CYYR1: variants seen among roughly 807,000 people sequenced by gnomAD.
The protein encoded by CYYR1 is cysteine and tyrosine rich 1, also known as cysteine and tyrosine-rich protein 1.
In CYYR1, 14 loss-of-function variants were observed where a neutral mutation model predicts 15.2. The ratio of observed to expected loss-of-function variants is 0.92; its 90% CI spans 0.61 to 1.44. The LOEUF is 1.44. Among genes scored for constraint, CYYR1 ranks in the 40% most tolerant of loss-of-function variants. CYYR1 has a pLI of 0.00. For missense variants in CYYR1, 228 were observed against 209.5 expected (o/e 1.09, Z -0.54); for synonymous variants, 80 against 77.4 (o/e 1.03, Z -0.18).
At chr21:26,495,348 C>T (rs1375950270) in intron 2 of CYYR1, among the ~76,000 whole-genome samples, 1 of 152,126 alleles carries the variant, frequency 6.6e-6, no homozygotes, top group African/African-American at 2.4e-5. Context: ...TAGGGCTTGC[C>T]AAATATCTGC....
chr21:26,572,759 G>C (rs1322134121), intron 1 of CYYR1, 109 bp downstream of exon 1: 9 of 1,335,748 alleles, frequency 6.7e-6, no homozygotes, highest in Non-Finnish European at 9.2e-6. Context: ...GTCTGCAAAG[G>C]TCCTTCTGCA....
chr21:26,521,279 G>A (rs1370884226), intron 2 of CYYR1, among the ~76,000 whole-genome samples: 1 of 152,210 alleles, frequency 6.6e-6, no homozygotes, highest in Non-Finnish European at 1.5e-5. Flanking sequence ...ACAGTTTTAA[G>A]AGATTAAATC....
intron 2 of CYYR1, among the ~76,000 whole-genome samples, chr21:26,529,940 T>C (rs1417632498): frequency 2.0e-5 from 3 of 152,208 alleles, no homozygotes; most frequent in African/African-American, 7.2e-5. Flanking sequence ...ACCCATCCCA[T>C]CTTTTCTAGT....
At chr21:26,500,739 G>C (rs549847113) in intron 2 of CYYR1, among the ~76,000 whole-genome samples, 5 of 152,298 alleles carry the variant, frequency 3.3e-5, no homozygotes, top group African/African-American at 1.2e-4. Context: ...CTCTCCCCAA[G>C]GGCAGGTGAC....
At chr21:26,551,023 G>T (rs1035538915) in intron 2 of CYYR1, 1 of 152,602 alleles carries the variant, frequency 6.6e-6, no homozygotes, top group African/African-American at 2.4e-5. Context: ...TACAGCTGCT[G>T]ACTTGAAGTT....
At chr21:26,561,603 C>G (rs1414554780) in intron 2 of CYYR1, among the ~76,000 whole-genome samples, 1 of 151,996 alleles carries the variant, frequency 6.6e-6, no homozygotes, top group East Asian at 1.9e-4. Flanking sequence ...ACCAGGATCT[C>G]CATTATTAGT....
At chr21:26,559,229 C>T (rs1372710835) in intron 2 of CYYR1, among the ~76,000 whole-genome samples, 1 of 152,140 alleles carries the variant, frequency 6.6e-6, no homozygotes, top group Non-Finnish European at 1.5e-5. Flanking sequence ...GATCATCTTT[C>T]ACTTGTTTAT....
At chr21:26,468,892 G>A (rs2065000362) in intron 3 of CYYR1, among the ~76,000 whole-genome samples, 2 of 152,138 alleles carry the variant, frequency 1.3e-5, no homozygotes, top group Admixed American at 1.3e-4. Flanking sequence ...AAGAGAAGGT[G>A]AGGGACAATT....
chr21:26,541,844 A>G (rs1253818367), intron 2 of CYYR1, among the ~76,000 whole-genome samples: 1 of 152,222 alleles, frequency 6.6e-6, no homozygotes, highest in Non-Finnish European at 1.5e-5. Context: ...TTAAGGGTGC[A>G]TATTGCAATC....
chr21:26,496,959 A>G (rs2065413486), intron 2 of CYYR1, among the ~76,000 whole-genome samples: 1 of 152,160 alleles, frequency 6.6e-6, no homozygotes, highest in African/African-American at 2.4e-5. Context: ...ATTAACATCT[A>G]GTAGGATGAC....
chr21:26,481,342 G>C (rs544524768), intron 2 of CYYR1, among the ~76,000 whole-genome samples: 46 of 152,144 alleles, frequency 3.0e-4, no homozygotes, highest in Admixed American at 2.0e-3. Flanking sequence ...ACATCCTAAT[G>C]TCCATAAAAA....
chr21:26,532,481 G>A (rs188699912), intron 2 of CYYR1, among the ~76,000 whole-genome samples: 26 of 152,218 alleles, frequency 1.7e-4, no homozygotes, highest in East Asian at 3.9e-4. Context: ...TAGAGGACCC[G>A]TTTCCTGGTC....
At chr21:26,554,784 T>C (rs1286387224) in intron 2 of CYYR1, among the ~76,000 whole-genome samples, 2 of 152,114 alleles carry the variant, frequency 1.3e-5, no homozygotes, top group African/African-American at 2.4e-5. Context: ...ATTATTATGA[T>C]TCTTTTTGAT....
chr21:26,484,464 G>A (rs1372141466), intron 2 of CYYR1, among the ~76,000 whole-genome samples: 1 of 152,108 alleles, frequency 6.6e-6, no homozygotes. Flanking sequence ...GGCAGAATGT[G>A]AGACATATTT....
At chr21:26,480,791 G>T (rs944942852) in intron 2 of CYYR1, among the ~76,000 whole-genome samples, 11 of 152,038 alleles carry the variant, frequency 7.2e-5, no homozygotes, top group Admixed American at 6.6e-4. Context: ...AAACAGCAAA[G>T]AATTTATCTG....
At chr21:26,567,721 A>G (rs1203131000) in intron 1 of CYYR1, among the ~76,000 whole-genome samples, 1 of 152,120 alleles carries the variant, frequency 6.6e-6, no homozygotes, top group Non-Finnish European at 1.5e-5. Flanking sequence ...TATCAAAGCT[A>G]TAACATTAAA....
At chr21:26,541,219 G>A (rs1978528436) in intron 2 of CYYR1, among the ~76,000 whole-genome samples, 1 of 152,044 alleles carries the variant, frequency 6.6e-6, no homozygotes, top group African/African-American at 2.4e-5. Flanking sequence ...AACATCTGAA[G>A]AAAGAATGTT....
At chr21:26,506,839 G>GTAAC (rs1353021803) in intron 2 of CYYR1, 14 of 152,038 alleles carry the variant, frequency 9.2e-5, no homozygotes, top group Admixed American at 9.2e-4. Context: ...TTGACCACTG[G>GTAAC]TAACTCTACA....
Position 26,566,335 on chromosome 21 carries a change from T to C in CYYR1, c.107A>G (p.Lys36Arg). 1 of 1,613,858 alleles carries C rather than the reference T, an allele frequency of 6.2e-7. No homozygotes were observed. The highest frequency in any genetic ancestry group is 8.5e-7 in the Non-Finnish European group (1 of 1,179,856). ...CGTGGTTCCATCACAGCAGTAAGATTTGCAATCTTTGCCACACTGAGCAAG... is the reference window on the plus strand; with the variant it reads ...CGTGGTTCCATCACAGCAGTAAGATCTGCAATCTTTGCCACACTGAGCAAG... ...DCLAQCGKDC[K>R]SYCCDGTTPY... The change falls in exon 2 of 4, where the codon AAA becomes AGA. Residue 36 changes from lysine (K) to arginine (R), a missense_variant. Lys to Arg is a conservative substitution (Grantham distance 26). Transcript: ENST00000652641.
Sources: gnomAD v4.1 joint callset for allele counts (sites outside exome capture counted in the v4.1 genomes callset) on GRCh38, gnomAD v4.1.1 for gene constraint, MANE v1.5 for transcripts, NCBI Gene and HGNC (gene_info 2026-07-23, HGNC 2026-07-21) for gene names.